The following LRRC69 variants were observed in gnomAD, a reference collection of about 807,000 sequenced individuals.
LRRC69 encodes the protein leucine-rich repeat-containing protein 69.
Under a neutral mutation model 37.8 loss-of-function variants are expected in LRRC69, and 42 were observed. That is an observed-to-expected ratio of 1.11 (90% CI 0.87 to 1.44). The LOEUF (loss-of-function observed/expected upper bound fraction) is 1.44. Ranked by LOEUF, LRRC69 falls within the 40% of genes most tolerant of loss-of-function variation. LRRC69 has a pLI of 0.00. For synonymous variants in LRRC69, 141 were observed against 143.1 expected (o/e 0.99, Z 0.11); for missense variants, 357 against 401.9 (o/e 0.89, Z 0.96).
At chr8:91,201,334 G>A (rs1345826642) in intron 7 of LRRC69, among the ~76,000 whole-genome samples, 1 of 152,168 alleles carries the variant, frequency 6.6e-6, no homozygotes, top group East Asian at 1.9e-4. Flanking sequence ...CGGCCAGATA[G>A]TAAATATTTT....
Position 91,129,821 on chromosome 8 carries a change from G to A in LRRC69, c.383+2661G>A, listed in dbSNP as rs549743180. 3.3e-5 allele frequency among the ~76,000 whole-genome samples: 5 copies of A among 151,790 alleles called. No homozygotes were observed. In the East Asian group the frequency reaches 9.7e-4, roughly 29 times the overall value. ...CCTTGTCATCTCTCTCTGAAGTCCC[G>A]TGTCTTTTGCTTTTGCTTCCTGTGT... On this transcript the variant is annotated intron_variant, in intron 3 of 7. Transcript: ENST00000448384.
chr8:91,191,774 G>A (rs1809499702), intron 6 of LRRC69, among the ~76,000 whole-genome samples: 1 of 152,108 alleles, frequency 6.6e-6, no homozygotes, highest in African/African-American at 2.4e-5. Flanking sequence ...TGTCTGTGAG[G>A]GTGGTGAATG....
At chr8:91,198,832 TTGGTCATGCCA>T (rs1218886867) in intron 6 of LRRC69, among the ~76,000 whole-genome samples, 3 of 152,152 alleles carry the variant, frequency 2.0e-5, no homozygotes, top group African/African-American at 7.2e-5. Flanking sequence ...AAAGATACTA[TTGGTCATGCCA>T]ATAGTATTTT....
At chr8:91,182,295 AG>A (rs1176522308) in intron 5 of LRRC69, among the ~76,000 whole-genome samples, 3 of 152,182 alleles carry the variant, frequency 2.0e-5, no homozygotes, top group Non-Finnish European at 4.4e-5. Flanking sequence ...GTATCATATC[AG>A]GACAATTTTG....
Position 91,199,327 on chromosome 8 carries a change from G to A in LRRC69, c.754-1286G>A, listed in dbSNP as rs77257840. ...CAGTCATGCAACCACCCAGGAGAAT[G>A]AGCTTAAGTGGGTAGGAGGTTGTGC... On this transcript the variant is annotated intron_variant, in intron 6 of 7. Transcript: ENST00000448384. Among the ~76,000 whole-genome samples, 1,099 of 152,268 alleles carry A rather than the reference G, an allele frequency of 7.2e-3. 14 individuals carry two copies. The highest frequency in any genetic ancestry group is 0.026 in the African/African-American group (1,070 of 41,548).
intron 5 of LRRC69, among the ~76,000 whole-genome samples, chr8:91,175,267 G>A (rs947684459): frequency 6.6e-6 from 1 of 151,326 alleles, no homozygotes; most frequent in African/African-American, 2.5e-5. Flanking sequence ...TCAAGGAGGA[G>A]CTGGAATCCT....
chr8:91,152,192 C>T (rs1808751826), intron 5 of LRRC69, among the ~76,000 whole-genome samples: 1 of 151,636 alleles, frequency 6.6e-6, no homozygotes, highest in Non-Finnish European at 1.5e-5. Context: ...GTGATTTCAT[C>T]ATAATATCTT....
intron 1 of LRRC69, among the ~76,000 whole-genome samples, chr8:91,104,307 T>G (rs751468330): frequency 6.6e-6 from 1 of 151,982 alleles, no homozygotes; most frequent in Non-Finnish European, 1.5e-5. Context: ...ACTCTGAAGT[T>G]TTTACTTTTA....
chr8:91,149,031 G>T (rs927230052), intron 5 of LRRC69, among the ~76,000 whole-genome samples: 24 of 150,750 alleles, frequency 1.6e-4, no homozygotes, highest in African/African-American at 5.6e-4. Context: ...CATTTTGTAG[G>T]TTGCCTGTTC....
chr8:91,112,371 C>A (rs1288623051), intron 1 of LRRC69, among the ~76,000 whole-genome samples: 2 of 151,980 alleles, frequency 1.3e-5, no homozygotes, highest in African/African-American at 4.8e-5. Flanking sequence ...GCCACAACTA[C>A]CCCTGATAGA....
chr8:91,194,673 T>G (rs1255557900), intron 6 of LRRC69, among the ~76,000 whole-genome samples: 1 of 152,192 alleles, frequency 6.6e-6, no homozygotes, highest in East Asian at 1.9e-4. Flanking sequence ...AGTTTGTATT[T>G]CTGTGGGATC....
chr8:91,138,956 T>C (rs898223693), intron 5 of LRRC69: 27 of 151,796 alleles, frequency 1.8e-4, no homozygotes, highest in African/African-American at 6.0e-4. Flanking sequence ...TCCCAGTTAC[T>C]TGAGGTGAAA....
chr8:91,143,514 CTG>C (rs1253675645), intron 5 of LRRC69, among the ~76,000 whole-genome samples: 16 of 152,060 alleles, frequency 1.1e-4, no homozygotes, highest in African/African-American at 3.6e-4. Context: ...TAAACACATT[CTG>C]TGTCAGAGTT....
At chr8:91,191,182 T>C (rs1009801727) in intron 6 of LRRC69, among the ~76,000 whole-genome samples, 1 of 152,108 alleles carries the variant, frequency 6.6e-6, no homozygotes, top group Non-Finnish European at 1.5e-5. Flanking sequence ...CTTGTAAAGT[T>C]TGATTTATTT....
At chr8:91,213,776 A>G (rs1312875260) in intron 7 of LRRC69, among the ~76,000 whole-genome samples, 3 of 152,160 alleles carry the variant, frequency 2.0e-5, no homozygotes, top group African/African-American at 7.2e-5. Context: ...CATGGAGAAG[A>G]AAGTAAACAG....
chr8:91,179,529 G>C (rs1170910073), intron 5 of LRRC69, among the ~76,000 whole-genome samples: 1 of 152,162 alleles, frequency 6.6e-6, no homozygotes, highest in Non-Finnish European at 1.5e-5. Context: ...CAGAGACACA[G>C]ATTCATAACA....
At chr8:91,149,384 C>T (rs1482416578) in intron 5 of LRRC69, among the ~76,000 whole-genome samples, 5 of 151,922 alleles carry the variant, frequency 3.3e-5, no homozygotes, top group Non-Finnish European at 5.9e-5. Flanking sequence ...TGTCAAAGAT[C>T]AGGTGGTTGT....
intron 6 of LRRC69, among the ~76,000 whole-genome samples, chr8:91,199,141 A>T (rs189657675): frequency 2.6e-5 from 4 of 152,316 alleles, no homozygotes; most frequent in African/African-American, 4.8e-5. Context: ...ACAGCTTTAT[A>T]ATAAGACTTG....
At chr8:91,187,639 A>G (rs570388592) in intron 5 of LRRC69, among the ~76,000 whole-genome samples, 94 of 152,230 alleles carry the variant, frequency 6.2e-4, no homozygotes, top group Non-Finnish European at 1.1e-3. Flanking sequence ...GGACATTTCA[A>G]ACCTTCACTG....
Sources: allele counts gnomAD v4.1 joint callset (sites outside exome capture counted in the v4.1 genomes callset), GRCh38; gene constraint gnomAD v4.1.1; transcripts MANE v1.5; gene names NCBI Gene and HGNC (gene_info 2026-07-23, HGNC 2026-07-21).